PI4KA: variants seen among roughly 807,000 people sequenced by gnomAD.
PI4KA encodes PI4-kinase alpha.
A neutral mutation model predicts 271.4 loss-of-function variants in PI4KA; 122 were observed. The observed-to-expected ratio is 0.45, with a 90% CI of 0.39 to 0.52. The LOEUF (loss-of-function observed/expected upper bound fraction) is 0.52. PI4KA is among the 20% of genes least tolerant of loss of function. The pLI is 0.00. For missense variants in PI4KA, 1,969 were observed against 2,769.1 expected (o/e 0.71, Z 6.48); for synonymous variants, 1,041 against 1,078.8 (o/e 0.96, Z 0.69).
intron 8 of PI4KA, 137 bp from the exon 9 acceptor site, chr22:20,811,169 G>A: frequency 1.4e-6 from 1 of 699,258 alleles, no homozygotes; most frequent in Non-Finnish European, 2.6e-6. Context: ...TACAAATTAT[G>A]GCTATGTATC....
chr22:20,770,591 C>A (rs1367368682), intron 19 of PI4KA, among the ~76,000 whole-genome samples: 1 of 132,886 alleles, frequency 7.5e-6, no homozygotes, highest in Non-Finnish European at 1.6e-5. Context: ...CACACACACA[C>A]ACACACACAC....
chr22:20,734,356 G>A, intron 33 of PI4KA, 39 bp downstream of exon 33: 6 of 1,498,464 alleles, frequency 4.0e-6, no homozygotes, highest in Non-Finnish European at 3.7e-6. Context: ...CCCCCCAGGT[G>A]GAGCACCCCA....
At chr22:20,710,594 G>C in intron 52 of PI4KA, 105 bp downstream of exon 52, 1 of 1,023,176 alleles carries the variant, frequency 9.8e-7, no homozygotes, top group Non-Finnish European at 1.5e-6. Context: ...GTGGCTGCTA[G>C]CACCTACCTC....
At position 20,858,753 on chromosome 22, in the gene PI4KA, C is replaced by G; in HGVS notation, c.-28G>C. On this transcript the variant is annotated 5_prime_UTR_variant, in exon 1 of 55. Coordinates refer to ENST00000255882, the MANE Select transcript of PI4KA (RefSeq NM_058004.4). ...CCTCACGAGCCGCGGCGCTGCCCGC[C>G]GGCTCCCCGCTCCTGGCCCGCGAGC... 7.3e-7 allele frequency: 1 copy of G among 1,366,690 alleles called. No individual in the cohort carries two copies. The highest frequency in any genetic ancestry group is 9.5e-7 in the Non-Finnish European group (1 of 1,057,884). 84.7% of individuals were successfully genotyped at this position (1,366,690 alleles called of 1,614,324 possible).
chr22:20,708,313 G>A (rs1040026711), intron 54 of PI4KA, among the ~76,000 whole-genome samples: 1 of 152,050 alleles, frequency 6.6e-6, no homozygotes, highest in African/African-American at 2.4e-5. Flanking sequence ...CAGCCAAACC[G>A]CTTCCATCCG....
intron 19 of PI4KA, among the ~76,000 whole-genome samples, chr22:20,787,987 A>C (rs1018445591): frequency 6.6e-6 from 1 of 152,136 alleles, no homozygotes; most frequent in African/African-American, 2.4e-5. Flanking sequence ...TTCATCCCTC[A>C]TACCTGGTCC....
intron 19 of PI4KA, among the ~76,000 whole-genome samples, chr22:20,788,949 G>C (rs1934449806): frequency 6.6e-6 from 1 of 152,122 alleles, no homozygotes; most frequent in South Asian, 2.1e-4. Flanking sequence ...GAAAGGCAGT[G>C]GTCACTTCTG....
At chr22:20,774,592 C>G (rs1319959440) in intron 19 of PI4KA, among the ~76,000 whole-genome samples, 2 of 151,998 alleles carry the variant, frequency 1.3e-5, no homozygotes, top group Non-Finnish European at 2.9e-5. Context: ...GAAGCCAAGT[C>G]TCTACTAAAA....
In PI4KA at chr22:20,765,349, T is replaced by C. The variant is rs1282904932; in HGVS notation, c.2438-113A>G. ...CCTTTGAGACAATTATCCCAAAAAC[T>C]AGGCACAGAAACGAAGTCTGTTACC... On this transcript the variant is annotated intron_variant, in intron 20 of 54. Coordinates refer to ENST00000255882, the MANE Select transcript of PI4KA (RefSeq NM_058004.4). 5 of 1,172,516 alleles carry C rather than the reference T, an allele frequency of 4.3e-6. No individual in the cohort carries two copies. In the South Asian group the frequency reaches 5.9e-5, roughly 14 times the overall value. The allele number at this position is 1,172,516 out of a possible 1,614,324, so 72.6% of individuals were successfully genotyped here.
At position 20,743,074 on chromosome 22, in the gene PI4KA, G is replaced by A. The variant is rs535601660; in HGVS notation, c.3457-310C>T. Among the ~76,000 whole-genome samples, 378 of 152,236 alleles carry A rather than the reference G, an allele frequency of 2.5e-3. 1 individual carries two copies. The highest frequency in any genetic ancestry group is 8.7e-3 in the African/African-American group (360 of 41,528). On this transcript the variant is annotated intron_variant, in intron 30 of 54. Coordinates refer to ENST00000255882, the MANE Select transcript of PI4KA (RefSeq NM_058004.4). ...TGAGCCCGGGGTCTGACCCATGGTG[G>A]GACTGCATGAATGTGAGCTGGATAA...
chr22:20,783,948 A>C (rs1934000033), intron 19 of PI4KA: 1 of 1,614,030 alleles, frequency 6.2e-7, no homozygotes, highest in South Asian at 1.1e-5. Context: ...TTCTCATAAC[A>C]GCCTCTTCCT....
chr22:20,723,492 G>GT (rs1307117087), intron 42 of PI4KA, among the ~76,000 whole-genome samples: 3 of 151,546 alleles, frequency 2.0e-5, no homozygotes, highest in Non-Finnish European at 4.4e-5. Context: ...GAGGTCAGGA[G>GT]TTTGACACCA....
At chr22:20,712,454 G>A (rs775576569) in intron 50 of PI4KA, 32 bp downstream of exon 50, 5 of 1,605,808 alleles carry the variant, frequency 3.1e-6, no homozygotes, top group Admixed American at 1.7e-5. Context: ...GAGCACACAC[G>A]ACCTCCCCCG....
At chr22:20,846,114 A>T (rs1033928009) in intron 1 of PI4KA, among the ~76,000 whole-genome samples, 36 of 151,814 alleles carry the variant, frequency 2.4e-4, no homozygotes, top group Admixed American at 7.2e-4. Flanking sequence ...ATACAAAAAA[A>T]TTAGGCAGGC....
intron 45 of PI4KA, 48 bp downstream of exon 45, chr22:20,717,660 C>G (rs748731776): frequency 6.9e-7 from 1 of 1,445,238 alleles, no homozygotes; most frequent in South Asian, 1.2e-5. Context: ...CCCCGCCGCC[C>G]GCCTGCAGGA....
intron 4 of PI4KA, among the ~76,000 whole-genome samples, chr22:20,822,385 C>G (rs940071323): frequency 8.9e-6 from 1 of 112,620 alleles, no homozygotes; most frequent in Admixed American, 9.6e-5. Flanking sequence ...AGTCTTCTTT[C>G]GCACCTGCTT....
chr22:20,742,816 T>C (rs1929624669), intron 30 of PI4KA, 52 bp from the exon 31 acceptor site: 2 of 1,587,660 alleles, frequency 1.3e-6, no homozygotes, highest in African/African-American at 1.3e-5. Flanking sequence ...GCAATGTGGG[T>C]AAGGTTCTGG....
chr22:20,771,628 C>CTGGA (rs1212924570), intron 19 of PI4KA, among the ~76,000 whole-genome samples: 1 of 151,806 alleles, frequency 6.6e-6, no homozygotes, highest in East Asian at 1.9e-4. Context: ...GTCACCCAGG[C>CTGGA]TGGAGTACAG....
chr22:20,856,100 G>A (rs780310285), intron 1 of PI4KA, among the ~76,000 whole-genome samples: 7 of 152,164 alleles, frequency 4.6e-5, no homozygotes, highest in Non-Finnish European at 1.0e-4. Flanking sequence ...TGGCCAATAG[G>A]GTGAAACCCC....
Sources: allele counts gnomAD v4.1 joint callset (sites outside exome capture counted in the v4.1 genomes callset), GRCh38; gene constraint gnomAD v4.1.1; transcripts MANE v1.5; gene names NCBI Gene and HGNC (gene_info 2026-07-23, HGNC 2026-07-21).